The following CALCOCO2 variants were observed in gnomAD, a reference collection of about 807,000 sequenced individuals.
CALCOCO2 encodes calcium-binding and coiled-coil domain-containing protein 2.
In CALCOCO2, 42 loss-of-function variants were observed where a neutral mutation model predicts 62.5. That is an observed-to-expected ratio of 0.67 (90% CI 0.53 to 0.87). The LOEUF (loss-of-function observed/expected upper bound fraction) is 0.87, where lower values mean the gene tolerates loss of function less well. Ranked by LOEUF, CALCOCO2 falls within the 40% of genes least tolerant of loss-of-function variation. The pLI, the probability that CALCOCO2 is intolerant of heterozygous loss-of-function variation, is 0.00. For missense variants in CALCOCO2, 456 were observed against 515.0 expected (o/e 0.89, Z 1.11); for synonymous variants, 167 against 173.0 (o/e 0.97, Z 0.27).
chr17:48,849,055 G>T (rs943251349), intron 4 of CALCOCO2, among the ~76,000 whole-genome samples, 197 bp from the exon 5 acceptor site: 1 of 152,140 alleles, frequency 6.6e-6, no homozygotes, highest in African/African-American at 2.4e-5. Context: ...ATTTTTGCTT[G>T]CCTTTCTTGG....
rs201620728 is a variant in CALCOCO2 at position 48,848,082 on chromosome 17, C to T, written c.199C>T (p.Arg67Cys). 9 of 1,610,182 alleles carry T rather than the reference C, an allele frequency of 5.6e-6. No homozygotes were observed. In the East Asian group the frequency reaches 8.9e-5, roughly 16 times the overall value. ...ATTGCAGGTGGGGTGGAAGACAACC[C>T]GTGAGTATTACACCTTCATGTGGGT... Reference protein sequence around the residue: ...GIFRVGWKTTREYYTFMWVTL... With the variant: ...GIFRVGWKTTCEYYTFMWVTL... The change falls in exon 3 of 13, where the codon CGT becomes TGT. Residue 67 changes from arginine to cysteine, a missense_variant. Arg to Cys is a radical substitution (Grantham distance 180). This residue lies in a region of CALCOCO2 where 236 missense variants were observed against 225.3 expected (regional missense o/e 1.05). Coordinates refer to ENST00000258947, the MANE Select transcript of CALCOCO2 (RefSeq NM_005831.5).
intron 10 of CALCOCO2, among the ~76,000 whole-genome samples, chr17:48,857,497 C>CATTTTTTTTTTTTTTTTTTTTT (rs1189389700): frequency 2.6e-5 from 1 of 38,428 alleles, no homozygotes; most frequent in Non-Finnish European, 4.8e-5. Context: ...GCACCCGGCC[C>CATTTTTTTTTTTTTTTTTTTTT]TTTTTTTTTT....
intron 10 of CALCOCO2, among the ~76,000 whole-genome samples, chr17:48,858,792 C>T (rs12937175): frequency 0.32 from 48,383 of 151,298 alleles, 7,999 homozygotes; most frequent in Admixed American, 0.44. Context: ...CTGTGGCTCA[C>T]GCCTGTAATC....
In CALCOCO2 at chr17:48,841,192, A is replaced by C. The variant is rs1056443098; in HGVS notation, c.-10-506A>C. ...CCCATGCTTGTCACTACTGCATGTC[A>C]AATAATTTTCTCTCATTCCCATCCC... On this transcript the variant is annotated intron_variant, in intron 1 of 12. Coordinates refer to ENST00000258947, the MANE Select transcript of CALCOCO2 (RefSeq NM_005831.5). Among the ~76,000 whole-genome samples the C allele has an allele frequency of 2.0e-5, 3 of 152,320 alleles. No homozygotes were observed. The South Asian group carries it at 6.2e-4, about 32-fold the overall frequency.
intron 9 of CALCOCO2, among the ~76,000 whole-genome samples, chr17:48,854,396 A>ATATATATATACATATATTTTTTT (rs1567757320): frequency 1.0e-3 from 2 of 1,910 alleles, no homozygotes; most frequent in Non-Finnish European, 3.9e-3. Context: ...ATATATATAT[A>ATATATATATACATATATTTTTTT]TTTTTTTTTT....
At position 48,851,109 on chromosome 17, in the gene CALCOCO2, G is replaced by A; in HGVS notation, c.564G>A (p.Gln188=). The change falls in exon 6 of 13, where the codon CAG becomes CAA. Residue 188 remains glutamine, a synonymous_variant. Transcript: ENST00000258947. The part of the protein sequence containing the change: ...QKKQEELETL[Q]SINKKLELKV... ...TATAGGAGGAGCTAGAAACCCTACA[G>A]AGCATCAATAAGAAGTTGGAACTGA... is the stretch of plus-strand genomic sequence containing the variant. 6.2e-7 allele frequency: 1 copy of A among 1,606,994 alleles called. No homozygotes were observed. Among genetic ancestry groups the A allele is most frequent in the South Asian group, 1.1e-5 (1 of 90,922 alleles).
chr17:48,838,212 G>A (rs1011982682), intron 1 of CALCOCO2, among the ~76,000 whole-genome samples: 3 of 151,912 alleles, frequency 2.0e-5, no homozygotes, highest in African/African-American at 4.8e-5. Context: ...TGCATGTGTC[G>A]GTAATTAGAT....
At chr17:48,850,932 A>G (rs2040120303) in intron 5 of CALCOCO2, 157 bp from the exon 6 acceptor site, 1 of 486,844 alleles carries the variant, frequency 2.1e-6, no homozygotes, top group Non-Finnish European at 3.7e-6. Flanking sequence ...AAAAAAAAAA[A>G]AGAACATTTT....
intron 1 of CALCOCO2, among the ~76,000 whole-genome samples, chr17:48,832,942 A>G (rs1345532832): frequency 6.6e-6 from 1 of 152,196 alleles, no homozygotes; most frequent in Admixed American, 6.5e-5. Flanking sequence ...GCAAATTCAA[A>G]CAATTGTTAA....
At chr17:48,846,114 CTTTTTAT>C in intron 2 of CALCOCO2, 1 of 1,164,542 alleles carries the variant, frequency 8.6e-7, no homozygotes, top group Non-Finnish European at 1.2e-6. Flanking sequence ...CTCAGTAACT[CTTTTTAT>C]TTTTTATTTA....
chr17:48,854,554 C>T (rs978773490), intron 9 of CALCOCO2, among the ~76,000 whole-genome samples: 2 of 147,778 alleles, frequency 1.4e-5, no homozygotes, highest in Non-Finnish European at 1.5e-5. Context: ...TACAGGCACC[C>T]GCCACGATGC....
chr17:48,834,919 T>A (rs907935327), intron 1 of CALCOCO2, among the ~76,000 whole-genome samples: 5 of 151,864 alleles, frequency 3.3e-5, no homozygotes, highest in Admixed American at 2.6e-4. Context: ...TGGTGGCGCA[T>A]ACCTATAGTT....
chr17:48,862,864 C>T lies in CALCOCO2; in HGVS notation c.1200C>T (p.Cys400=). The change falls in exon 13 of 13, where the codon TGC becomes TGT. Residue 400 remains cysteine, a synonymous_variant. Transcript: ENST00000258947. ...SPLSIKKCPI[C]KADDICDHTL... is the part of the protein sequence containing the mutation. Reference sequence around the variant, plus strand: ...TCTCCATCAAGAAATGCCCTATCTGCAAAGCAGATGATATTTGTGATCACA... The same window carrying T: ...TCTCCATCAAGAAATGCCCTATCTGTAAAGCAGATGATATTTGTGATCACA... 3 of 1,614,108 alleles carry T rather than the reference C, an allele frequency of 1.9e-6. No individual in the cohort carries two copies. The highest frequency in any genetic ancestry group is 2.5e-6 in the Non-Finnish European group (3 of 1,179,950).
At position 48,856,141 on chromosome 17, in the gene CALCOCO2, G is replaced by T; in HGVS notation, c.962G>T (p.Cys321Phe). Residue 321 changes from cysteine to phenylalanine, a missense_variant, in exon 10 of 13, where the codon TGT (cysteine) becomes TTT (phenylalanine). Physicochemically the swap from Cys to Phe is radical, Grantham distance 205 (BLOSUM62 -2). This residue lies in a region of CALCOCO2 where 172 missense variants were observed against 210.3 expected (regional missense o/e 0.82). Transcript: ENST00000258947. ...AGACTGAGTGAGAACGAAATTATAT[G>T]TAATGCTCTGCAGAGACAGAAAGAG... is the stretch of plus-strand genomic sequence containing the variant. ...SKRLSENEII[C>F]NALQRQKERL... 1 of 1,605,456 alleles carries T rather than the reference G, an allele frequency of 6.2e-7. No homozygotes were observed. Among genetic ancestry groups the T allele is most frequent in the Admixed American group, 1.7e-5 (1 of 59,784 alleles).
At chr17:48,853,592 A>G (rs1202915154) in intron 9 of CALCOCO2, among the ~76,000 whole-genome samples, 2 of 152,230 alleles carry the variant, frequency 1.3e-5, no homozygotes, top group Non-Finnish European at 2.9e-5. Flanking sequence ...ATTATAATTC[A>G]CATCATATAT....
chr17:48,842,735 G>A (rs2039993126), intron 2 of CALCOCO2: 1 of 151,602 alleles, frequency 6.6e-6, no homozygotes, highest in Admixed American at 6.6e-5. Flanking sequence ...CCACCTCCCA[G>A]GTTCAAGCGA....
chr17:48,854,378 T>TTTTTTATATATATATATATATATA (rs1489635512), intron 9 of CALCOCO2, among the ~76,000 whole-genome samples: 1 of 12,160 alleles, frequency 8.2e-5, no homozygotes, highest in African/African-American at 1.5e-4. Context: ...TGGTTTTCTT[T>TTTTTTATATATATATATATATATA]TATTTATATA....
At chr17:48,852,741 A>C (rs1041706814) in intron 8 of CALCOCO2, 113 bp downstream of exon 8, 3 of 1,119,354 alleles carry the variant, frequency 2.7e-6, no homozygotes, top group African/African-American at 3.2e-5. Context: ...CACTGGCTTT[A>C]GGAAAGGGCT....
At chr17:48,846,003 A>G in intron 2 of CALCOCO2, 1 of 1,067,598 alleles carries the variant, frequency 9.4e-7, no homozygotes, top group Non-Finnish European at 1.3e-6. Flanking sequence ...TTTGCAGCTC[A>G]CCTCAAATGC....
Sources: allele counts gnomAD v4.1 joint callset (sites outside exome capture counted in the v4.1 genomes callset), GRCh38; gene constraint gnomAD v4.1.1; regional missense constraint gnomAD v4.1.1; transcripts MANE v1.5; gene names NCBI Gene and HGNC (gene_info 2026-07-23, HGNC 2026-07-21).